Variants in IL1RAPL1 observed in about 807,000 individuals in gnomAD.
The protein encoded by IL1RAPL1 is interleukin-1 receptor accessory protein-like 1.
A neutral mutation model predicts 48.4 loss-of-function variants in IL1RAPL1; 3 were observed. That is an observed-to-expected ratio of 0.06 (90% CI 0.03 to 0.16). The LOEUF is 0.16. Among genes scored for constraint, IL1RAPL1 ranks in the 10% least tolerant of loss-of-function variants. IL1RAPL1 has a pLI of 1.00. For synonymous variants in IL1RAPL1, 185 were observed against 187.7 expected, an observed-to-expected ratio of 0.99 and a Z score of 0.12; for missense variants, 349 against 530.6, an observed-to-expected ratio of 0.66 and a Z score of 3.36.
chrX:28,761,515 T>C (rs1246950366), intron 1 of IL1RAPL1, among the ~76,000 whole-genome samples: 5 of 111,631 alleles, frequency 4.5e-5, no homozygotes, highest in Non-Finnish European at 9.4e-5. Flanking sequence ...CCACATATAC[T>C]AACTTATAAG....
chrX:29,355,368 A>C (rs1933288056), intron 3 of IL1RAPL1, among the ~76,000 whole-genome samples: 1 of 112,143 alleles, frequency 8.9e-6, no homozygotes, highest in South Asian at 3.7e-4. Flanking sequence ...TAGGAAGAAT[A>C]TAACAAGTAG....
chrX:29,373,922 G>T (rs1347980784), intron 3 of IL1RAPL1, among the ~76,000 whole-genome samples: 10 of 57,245 alleles, frequency 1.7e-4, no homozygotes, highest in Non-Finnish European at 2.5e-4. Context: ...TGCTGAGGCT[G>T]GTCTCAAACT....
chrX:28,919,000 G>A lies in IL1RAPL1; in HGVS notation c.82+129575G>A, dbSNP rs973322900. Reference sequence around the variant, plus strand: ...ACTTGCTACTAAGTGGTGAATGGGAGACAAGAGTGTCTGTGAGGCTAAAGG... The same window carrying A: ...ACTTGCTACTAAGTGGTGAATGGGAAACAAGAGTGTCTGTGAGGCTAAAGG... On this transcript the variant is annotated intron_variant, in intron 2 of 10. Coordinates refer to ENST00000378993, the MANE Select transcript of IL1RAPL1 (RefSeq NM_014271.4). Among the ~76,000 whole-genome samples, 5 of 111,465 alleles carry A rather than the reference G, an allele frequency of 4.5e-5. No individual in the cohort carries two copies. The Admixed American group carries it at 4.8e-4, about 11-fold the overall frequency.
Position 28,780,363 on chromosome X carries a change from G to GTGTCTGTC in IL1RAPL1, c.-24-8948_-24-8941dup, listed in dbSNP as rs536943048. On this transcript the variant is annotated intron_variant, in intron 1 of 10. Transcript: ENST00000378993. ...TGTGTGTGTGTGTGTGTGTGTGTGT[G>GTGTCTGTC]TGTCTGTCTGTCTGTCCAGAATCTA... 5.7e-3 allele frequency among the ~76,000 whole-genome samples: 521 copies of GTGTCTGTC among 91,440 alleles called. 3 individuals carry two copies. The highest frequency in any genetic ancestry group is 0.025 in the Middle Eastern group (4 of 163). 79.4% of individuals were successfully genotyped at this position (91,440 alleles called of 115,157 possible).
chrX:29,290,500 T>A (rs1006848072), intron 3 of IL1RAPL1, among the ~76,000 whole-genome samples: 8 of 112,787 alleles, frequency 7.1e-5, no homozygotes, highest in Non-Finnish European at 1.5e-4. Context: ...TATTTCTGGA[T>A]GAAAATCCAG....
chrX:29,236,973 T>C (rs963038529), intron 2 of IL1RAPL1, among the ~76,000 whole-genome samples: 6 of 110,696 alleles, frequency 5.4e-5, no homozygotes, highest in Admixed American at 9.7e-5. Flanking sequence ...CTGGTATTGT[T>C]AAATTGGCCT....
intron 5 of IL1RAPL1, among the ~76,000 whole-genome samples, chrX:29,545,741 A>G (rs1921607179): frequency 8.9e-6 from 1 of 111,988 alleles, no homozygotes; most frequent in Non-Finnish European, 1.9e-5. Context: ...GGTGTCGAGC[A>G]TTTTTGTAGT....
At chrX:28,952,880 G>T (rs910275338) in intron 2 of IL1RAPL1, among the ~76,000 whole-genome samples, 1 of 111,180 alleles carries the variant, frequency 9.0e-6, no homozygotes, top group South Asian at 3.7e-4. Flanking sequence ...TATATGCACA[G>T]ACATATTAGC....
intron 2 of IL1RAPL1, among the ~76,000 whole-genome samples, chrX:29,054,015 A>C (rs1248772415): frequency 9.0e-6 from 1 of 111,563 alleles, no homozygotes; most frequent in African/African-American, 3.3e-5. Flanking sequence ...GGATAGTAGT[A>C]GTTCATTATG....
At chrX:29,302,602 ATCAGT>A (rs1265095459) in intron 3 of IL1RAPL1, among the ~76,000 whole-genome samples, 5 of 112,078 alleles carry the variant, frequency 4.5e-5, no homozygotes, top group Non-Finnish European at 9.4e-5. Flanking sequence ...GTTGGAAAGG[ATCAGT>A]TCATGGTCTT....
chrX:29,488,331 G>A (rs749599427), intron 5 of IL1RAPL1, among the ~76,000 whole-genome samples: 4 of 111,630 alleles, frequency 3.6e-5, no homozygotes, highest in South Asian at 7.5e-4. Flanking sequence ...CCAGCTACTC[G>A]GGAGGCTGAG....
chrX:29,575,969 G>A (rs1036391862), intron 5 of IL1RAPL1, among the ~76,000 whole-genome samples: 5 of 112,165 alleles, frequency 4.5e-5, no homozygotes, highest in Admixed American at 1.9e-4. Context: ...TGGCAACAGC[G>A]CCTATCATAG....
chrX:28,899,546 CCTGT>C (rs1395840340), intron 2 of IL1RAPL1, among the ~76,000 whole-genome samples: 5 of 112,272 alleles, frequency 4.5e-5, no homozygotes, highest in Non-Finnish European at 9.4e-5. Context: ...TTTATTTTCA[CCTGT>C]CTGACAACTG....
chrX:29,094,611 A>T (rs2147458679), intron 2 of IL1RAPL1, among the ~76,000 whole-genome samples: 1 of 101,076 alleles, frequency 9.9e-6, no homozygotes, highest in East Asian at 3.1e-4. Context: ...AAAAAAAAAA[A>T]AAAAATCAGC....
At chrX:29,012,276 C>T (rs1051969968) in intron 2 of IL1RAPL1, among the ~76,000 whole-genome samples, 4 of 112,475 alleles carry the variant, frequency 3.6e-5, no homozygotes, top group African/African-American at 1.3e-4. Flanking sequence ...GGTGAGGTGG[C>T]TCACGCCTGT....
chrX:28,950,805 A>T (rs1287186972), intron 2 of IL1RAPL1, among the ~76,000 whole-genome samples: 1 of 107,700 alleles, frequency 9.3e-6, no homozygotes, highest in African/African-American at 3.4e-5. Context: ...TCATGCTGCT[A>T]TAAAGACACA....
chrX:28,597,984 A>C (rs761729999), intron 1 of IL1RAPL1, among the ~76,000 whole-genome samples: 5 of 111,546 alleles, frequency 4.5e-5, no homozygotes, highest in Non-Finnish European at 7.5e-5. Flanking sequence ...CTGTGATGGC[A>C]ACAGCAAAGT....
chrX:29,719,926 A>G (rs1457274753), intron 6 of IL1RAPL1, among the ~76,000 whole-genome samples: 2 of 110,905 alleles, frequency 1.8e-5, no homozygotes, highest in Non-Finnish European at 3.8e-5. Flanking sequence ...TTCTTGAGGC[A>G]CAGTTGGCTT....
At chrX:29,560,254 G>T (rs192017123) in intron 5 of IL1RAPL1, among the ~76,000 whole-genome samples, 12 of 111,393 alleles carry the variant, frequency 1.1e-4, no homozygotes, top group African/African-American at 3.6e-4. Flanking sequence ...TGAGAAATCT[G>T]CTGATAGCCT....
Sources: gnomAD v4.1 joint callset for allele counts (sites outside exome capture counted in the v4.1 genomes callset) on GRCh38, gnomAD v4.1.1 for gene constraint, MANE v1.5 for transcripts, NCBI Gene and HGNC (gene_info 2026-07-23, HGNC 2026-07-21) for gene names.